Variants in AR observed in about 807,000 individuals in gnomAD.
The protein encoded by AR is dihydrotestosterone receptor.
A neutral mutation model predicts 53.9 loss-of-function variants in AR; 8 were observed. The observed-to-expected ratio is 0.15, with a 90% confidence interval of 0.09 to 0.27. The LOEUF (loss-of-function observed/expected upper bound fraction) is 0.27, where lower values mean the gene tolerates loss of function less well. AR is among the 10% of genes least tolerant of loss of function. The pLI is 1.00. For synonymous variants in AR, 359 were observed against 316.4 expected, an observed-to-expected ratio of 1.13 and a Z score of -1.43; for missense variants, 639 against 742.5, an observed-to-expected ratio of 0.86 and a Z score of 1.62.
intron 2 of AR, among the ~76,000 whole-genome samples, chrX:67,684,696 G>C (rs1005257786): frequency 8.9e-6 from 1 of 111,885 alleles, no homozygotes; most frequent in South Asian, 3.7e-4. Context: ...CTAATCTTAT[G>C]TTCTTGCAAG....
intron 1 of AR, among the ~76,000 whole-genome samples, chrX:67,623,083 T>C (rs914098868): frequency 1.1e-4 from 12 of 111,348 alleles, no homozygotes; most frequent in African/African-American, 3.9e-4. Context: ...CTAGTGTGTG[T>C]ATATAAGGGG....
intron 2 of AR, among the ~76,000 whole-genome samples, chrX:67,668,357 T>G (rs1296634898): frequency 8.9e-6 from 1 of 112,335 alleles, no homozygotes; most frequent in Non-Finnish European, 1.9e-5. Context: ...TGATACGATG[T>G]ATCACACTGA....
At chrX:67,691,487 T>C (rs1341791196) in intron 3 of AR, among the ~76,000 whole-genome samples, 1 of 112,215 alleles carries the variant, frequency 8.9e-6, no homozygotes, top group Non-Finnish European at 1.9e-5. Flanking sequence ...TGGTGAATAC[T>C]GCGGTAAAGT....
At chrX:67,645,740 A>G (rs2147440222) in intron 2 of AR, among the ~76,000 whole-genome samples, 1 of 110,096 alleles carries the variant, frequency 9.1e-6, no homozygotes, top group African/African-American at 3.3e-5. Context: ...ACACACACAC[A>G]CGCACACAAA....
intron 1 of AR, among the ~76,000 whole-genome samples, chrX:67,615,967 CAT>C (rs1230877906): frequency 1.8e-5 from 2 of 110,976 alleles, no homozygotes; most frequent in East Asian, 2.8e-4. Flanking sequence ...TAGTAATAAA[CAT>C]AGACAAATTA....
At chrX:67,553,306 T>G (rs1930066724) in intron 1 of AR, among the ~76,000 whole-genome samples, 1 of 112,304 alleles carries the variant, frequency 8.9e-6, no homozygotes, top group Non-Finnish European at 1.9e-5. Context: ...AATATTGTTG[T>G]TGAATCTTTC....
chrX:67,647,620 G>A (rs1190846862), intron 2 of AR, among the ~76,000 whole-genome samples: 1 of 112,196 alleles, frequency 8.9e-6, no homozygotes, highest in Non-Finnish European at 1.9e-5. Context: ...GACTGATCCT[G>A]ACTTTGCGAG....
intron 2 of AR, among the ~76,000 whole-genome samples, chrX:67,679,382 T>G (rs750642491): frequency 1.8e-5 from 2 of 111,884 alleles, no homozygotes; most frequent in African/African-American, 6.5e-5. Flanking sequence ...TTTGCAAGAA[T>G]ATGGAATAAT....
At chrX:67,568,967 G>T (rs777908065) in intron 1 of AR, 1 of 1,208,489 alleles carries the variant, frequency 8.3e-7, no homozygotes, top group Non-Finnish European at 1.1e-6. Context: ...GGAAACGAAT[G>T]CAGAGTGCTC....
At chrX:67,555,167 A>T (rs1463246872) in intron 1 of AR, among the ~76,000 whole-genome samples, 1 of 111,105 alleles carries the variant, frequency 9.0e-6, no homozygotes, top group Non-Finnish European at 1.9e-5. Flanking sequence ...ATTGTACGGT[A>T]TGGATTTCTT....
intron 1 of AR, among the ~76,000 whole-genome samples, chrX:67,572,439 C>A (rs926133449): frequency 1.8e-5 from 2 of 111,143 alleles, no homozygotes; most frequent in Non-Finnish European, 3.8e-5. Context: ...TCCTTATTGT[C>A]CTTTAATTAT....
At chrX:67,556,206 G>T (rs1375656956) in intron 1 of AR, among the ~76,000 whole-genome samples, 1 of 111,617 alleles carries the variant, frequency 9.0e-6, no homozygotes. Context: ...GCAAAGAGTG[G>T]TTAAGTTACA....
In AR at chrX:67,711,513, A is replaced by G. The variant is rs1386943873; in HGVS notation, c.1997A>G (p.Glu666Gly). The change falls in exon 4 of 8, where the codon GAA becomes GGA. Residue 666 changes from glutamate to glycine, a missense_variant. Around this residue, in one of 5 missense-constraint regions of AR, gnomAD observed 47 missense variants for 35.9 expected, o/e 1.31. Transcript: ENST00000374690. ...TTQKLTVSHI[E>G]GYECQPIFLN... ...CAGAAGCTGACAGTGTCACACATTG[A>G]AGGCTATGAATGTCAGCCCATCTTT... is the stretch of plus-strand genomic sequence containing the variant. The G allele has an allele frequency of 8.3e-7, 1 of 1,211,426 alleles. No homozygotes were observed. Among genetic ancestry groups the G allele is most frequent in the Non-Finnish European group, 1.1e-6 (1 of 895,416 alleles).
intron 1 of AR, among the ~76,000 whole-genome samples, chrX:67,638,209 T>C (rs2079400005): frequency 1.8e-5 from 2 of 112,121 alleles, no homozygotes; most frequent in African/African-American, 6.5e-5. Context: ...CACAATTTCT[T>C]TATCCAATCT....
At chrX:67,685,122 G>GC (rs1197199035) in intron 2 of AR, among the ~76,000 whole-genome samples, 1 of 111,591 alleles carries the variant, frequency 9.0e-6, no homozygotes, top group Non-Finnish European at 1.9e-5. Flanking sequence ...AGCCAAGGAT[G>GC]TATTTTTGCC....
At position 67,730,023 on chromosome X, in the gene AR, G is replaced by A. The variant is rs2076173602; in HGVS notation, c.*6182G>A. ...TTAAAAAGTCCCCTCACAACCCAGT[G>A]ACACCTTTCTGCTTTCCTCTAGACT... On this transcript the variant is annotated 3_prime_UTR_variant, in exon 8 of 8. Transcript: ENST00000374690. The A allele has an allele frequency of 3.4e-5, 6 of 175,131 alleles. No homozygotes were observed. In the East Asian group the frequency reaches 4.8e-4, roughly 14 times the overall value. The allele number at this position is 175,131 out of a possible 1,213,427, so 14.4% of individuals were successfully genotyped here.
chrX:67,690,415 T>C (rs2075989507), intron 3 of AR, among the ~76,000 whole-genome samples: 1 of 111,368 alleles, frequency 9.0e-6, no homozygotes, highest in African/African-American at 3.3e-5. Flanking sequence ...ATGCCAGCTG[T>C]CTCATCATTC....
At chrX:67,687,102 A>G (rs760619199) in intron 3 of AR, among the ~76,000 whole-genome samples, 4 of 111,690 alleles carry the variant, frequency 3.6e-5, no homozygotes, top group Non-Finnish European at 5.6e-5. Context: ...CTCATACCCA[A>G]TTATTCATTA....
chrX:67,667,027 GT>G (rs1441408812), intron 2 of AR, among the ~76,000 whole-genome samples: 3 of 110,622 alleles, frequency 2.7e-5, no homozygotes, highest in Non-Finnish European at 5.7e-5. Context: ...TCTTCACTTT[GT>G]TGATCGAATC....
Sources: allele counts gnomAD v4.1 joint callset (sites outside exome capture counted in the v4.1 genomes callset), GRCh38; gene constraint gnomAD v4.1.1; regional missense constraint gnomAD v4.1.1; transcripts MANE v1.5; gene names NCBI Gene and HGNC (gene_info 2026-07-23, HGNC 2026-07-21).